Variants in RSF1 observed in about 807,000 individuals in gnomAD.
RSF1 encodes remodeling and spacing factor 1, also known as HBV pX-associated protein 8.
A neutral mutation model predicts 145.2 loss-of-function variants in RSF1; 13 were observed. The ratio of observed to expected loss-of-function variants is 0.09; its 90% CI spans 0.06 to 0.14. The LOEUF is 0.14. RSF1 is among the 10% of genes least tolerant of loss of function. The pLI is 1.00. For missense variants in RSF1, 1,517 were observed against 1,718.2 expected (o/e 0.88, Z 2.07); for synonymous variants, 577 against 592.6 (o/e 0.97, Z 0.38).
At chr11:77,781,214 C>T (rs770158069) in intron 1 of RSF1, among the ~76,000 whole-genome samples, 1 of 152,074 alleles carries the variant, frequency 6.6e-6, no homozygotes, top group Non-Finnish European at 1.5e-5. Context: ...AATTCTCCTG[C>T]CTCAGCCCCG....
chr11:77,737,621 G>GGTGTGT lies in RSF1; in HGVS notation c.578+3104_578+3109dup, dbSNP rs1170824350. On this transcript the variant is annotated intron_variant, in intron 4 of 15. Coordinates refer to ENST00000308488, the MANE Select transcript of RSF1 (RefSeq NM_016578.4). ...GAAAGAAGTTTTATGTGTTTTGGGGGGTGTGTGTGTGTGTGTGTGTGTGTG... is the reference window on the plus strand; with the variant it reads ...GAAAGAAGTTTTATGTGTTTTGGGGGGTGTGTGTGTGTGTGTGTGTGTGTGTGTGTG... Among the ~76,000 whole-genome samples the GGTGTGT allele has an allele frequency of 6.0e-4, 56 of 93,538 alleles. 1 individual carries two copies. Among genetic ancestry groups the GGTGTGT allele is most frequent in the East Asian group, 3.1e-3 (11 of 3,556 alleles). 61.4% of individuals were successfully genotyped at this position (93,538 alleles called of 152,430 possible). A position where few individuals can be genotyped will look rare whatever the true frequency, so the allele number is the denominator to read the frequency against.
intron 1 of RSF1, among the ~76,000 whole-genome samples, chr11:77,809,746 GATTAATCAA>G (rs1229094410): frequency 1.1e-4 from 17 of 152,134 alleles, no homozygotes; most frequent in South Asian, 4.1e-4. Flanking sequence ...TTATACTTCT[GATTAATCAA>G]AGTTTTCCAA....
At chr11:77,821,178 A>C (rs912613367), upstream of RSF1, 29 of 366,400 alleles carry the variant, frequency 7.9e-5, no homozygotes, top group Middle Eastern at 1.5e-3. Flanking sequence ...CAGCGCTGGG[A>C]GCGTAAGTGC....
chr11:77,823,888 A>G (rs1054923760), upstream of RSF1, among the ~76,000 whole-genome samples: 1 of 151,668 alleles, frequency 6.6e-6, no homozygotes, highest in African/African-American at 2.4e-5. Flanking sequence ...CACTTCCCAC[A>G]TTCCAGTGAG....
At chr11:77,846,029 C>G in the RSF1 span, among the ~76,000 whole-genome samples, 2 of 151,404 alleles carry the variant, frequency 1.3e-5, no homozygotes, top group Non-Finnish European at 2.9e-5. Context: ...GAGAACTGGA[C>G]ATTTTACATA....
At chr11:77,774,617 TA>T (rs71473356) in intron 1 of RSF1, among the ~76,000 whole-genome samples, 2 of 120,428 alleles carry the variant, frequency 1.7e-5, no homozygotes, top group Non-Finnish European at 3.6e-5. Context: ...AATAAATAAA[TA>T]AAATAAAGAA....
intron 5 of RSF1, chr11:77,703,275 A>G (rs1049259775): frequency 6.6e-6 from 1 of 152,192 alleles, no homozygotes; most frequent in African/African-American, 2.4e-5. Context: ...TATTGGCTAT[A>G]TATTTTCAAC....
chr11:77,696,577 A>G (rs887415506), intron 7 of RSF1, among the ~76,000 whole-genome samples: 1 of 152,116 alleles, frequency 6.6e-6, no homozygotes, highest in Non-Finnish European at 1.5e-5. Flanking sequence ...TTTATTTCTC[A>G]TTTCTTCACA....
Position 77,700,328 on chromosome 11 carries a change from C to A in RSF1, c.2508+393G>T, listed in dbSNP as rs189199927. Among the ~76,000 whole-genome samples, 729 of 112,476 alleles carry A rather than the reference C, an allele frequency of 6.5e-3. 11 individuals are homozygous for A. Among genetic ancestry groups the A allele is most frequent in the African/African-American group, 0.024 (682 of 28,680 alleles). The allele number at this position is 112,476 out of a possible 152,430, so 73.8% of individuals were successfully genotyped here. On this transcript the variant is annotated intron_variant, in intron 6 of 15. Transcript: ENST00000308488. ...ATAGTGCCATTGCACTCCAGCCTGG[C>A]GACAGAGCAAGACTGTCTCACAAAA...
intron 14 of RSF1, among the ~76,000 whole-genome samples, chr11:77,672,716 T>G (rs565714462): frequency 1.3e-5 from 2 of 150,000 alleles, no homozygotes; most frequent in East Asian, 4.0e-4. Context: ...AGAGTCTCAC[T>G]ATGTCGCCCA....
intron 4 of RSF1, among the ~76,000 whole-genome samples, chr11:77,737,621 GGTGTGTGTGTGTGTGT>G (rs1170824350): frequency 1.1e-5 from 1 of 93,548 alleles, no homozygotes; most frequent in African/African-American, 3.8e-5. Context: ...TGTTTTGGGG[GGTGTGTGTGTGTGTGT>G]GTGTGTGTGT....
intron 1 of RSF1, among the ~76,000 whole-genome samples, chr11:77,776,087 T>A (rs1948339072): frequency 6.6e-6 from 1 of 152,160 alleles, no homozygotes. Context: ...AGCATGTGCT[T>A]GTAGTCCTCC....
intron 9 of RSF1, among the ~76,000 whole-genome samples, chr11:77,686,421 A>AAAAAAAAAAAAAAAAAAAAAAAAAC (rs1960008125): frequency 6.7e-6 from 1 of 149,384 alleles, no homozygotes; most frequent in African/African-American, 2.5e-5. Flanking sequence ...AAAAAAAAAA[A>AAAAAAAAAAAAAAAAAAAAAAAAAC]AAAAAAAGCA....
At chr11:77,848,482 C>T in the RSF1 span, among the ~76,000 whole-genome samples, 6 of 151,862 alleles carry the variant, frequency 4.0e-5, no homozygotes, top group Non-Finnish European at 7.4e-5. Flanking sequence ...CTCAGCCTCC[C>T]GAGTAGCTGG....
chr11:77,676,321 A>C (rs1453373778), intron 13 of RSF1, among the ~76,000 whole-genome samples: 3 of 150,662 alleles, frequency 2.0e-5, no homozygotes, highest in Non-Finnish European at 4.4e-5. Context: ...TTCCTCTTCT[A>C]ATAATCTGAA....
intron 12 of RSF1, 124 bp from the exon 13 acceptor site, chr11:77,677,123 C>A: frequency 1.4e-6 from 1 of 738,310 alleles, no homozygotes; most frequent in Non-Finnish European, 2.2e-6. Context: ...TTTCTTCCAA[C>A]AAATATGCAG....
intron 1 of RSF1, among the ~76,000 whole-genome samples, chr11:77,782,750 A>C (rs1948417184): frequency 6.6e-6 from 1 of 152,226 alleles, no homozygotes; most frequent in African/African-American, 2.4e-5. Flanking sequence ...ATTGGAACAC[A>C]AAAAATGTAA....
At chr11:77,783,433 A>T (rs552720409) in intron 1 of RSF1, among the ~76,000 whole-genome samples, 6 of 152,292 alleles carry the variant, frequency 3.9e-5, no homozygotes, top group African/African-American at 4.8e-5. Context: ...CTAGCTCATA[A>T]CATATTCTCT....
chr11:77,693,764 C>CATTTATTTATTTATTT (rs149549639), intron 7 of RSF1, among the ~76,000 whole-genome samples, 153 bp from the exon 8 acceptor site: 7,629 of 146,630 alleles, frequency 0.052, 249 homozygotes, highest in Middle Eastern at 0.072. Context: ...AGGGATCTGA[C>CATTTATTTATTTATTT]ATTTATTTAT....
Sources: allele counts gnomAD v4.1 joint callset (sites outside exome capture counted in the v4.1 genomes callset), GRCh38; gene constraint gnomAD v4.1.1; transcripts MANE v1.5; gene names NCBI Gene and HGNC (gene_info 2026-07-23, HGNC 2026-07-21).